The following MRPL46 variants were observed in gnomAD, a reference collection of about 807,000 sequenced individuals.
MRPL46 encodes mitochondrial ribosomal protein L46.
Under a neutral mutation model 31.0 loss-of-function variants are expected in MRPL46, and 26 were observed. The ratio of observed to expected loss-of-function variants is 0.84; its 90% CI spans 0.61 to 1.16. The LOEUF (loss-of-function observed/expected upper bound fraction) is 1.16. Ranked by LOEUF, MRPL46 falls within the 50% of genes most tolerant of loss-of-function variation. The pLI is 0.00. For missense variants in MRPL46, 395 were observed against 340.0 expected (o/e 1.16, Z -1.27); for synonymous variants, 159 against 141.3 (o/e 1.13, Z -0.89).
chr15:88,465,028 C>A (rs909123904), intron 2 of MRPL46, 152 bp from the exon 3 acceptor site: 10 of 725,848 alleles, frequency 1.4e-5, no homozygotes, highest in Non-Finnish European at 1.9e-5. Context: ...CTAACTCTGA[C>A]CTCTTCCAGG....
At position 88,459,788 on chromosome 15, in the gene MRPL46, C is replaced by T. The variant is rs572609825; in HGVS notation, c.665G>A (p.Arg222Gln). The T allele has an allele frequency of 2.4e-5, 38 of 1,614,220 alleles. 1 individual carries two copies. In the Admixed American group the frequency reaches 3.8e-4, roughly 16 times the overall value. The change falls in exon 4 of 4, where the codon CGG becomes CAG. Residue 222 changes from arginine (R) to glutamine (Q), a missense_variant. By Grantham distance (43) the Arg-to-Gln change is conservative. Coordinates refer to ENST00000312475, the MANE Select transcript of MRPL46 (RefSeq NM_022163.4). The stretch of plus-strand genomic sequence containing the variant: ...CTTGGCTCCGAGGTTACTCTCTGTC[C>T]GCATTGCCTGGGGGAACTTGAATGT... ...HYTFKFPQAM[R>Q]TESNLGAKVF...
intron 3 of MRPL46, chr15:88,461,840 C>T (rs2055480121): frequency 6.6e-6 from 1 of 152,058 alleles, no homozygotes; most frequent in Non-Finnish European, 1.5e-5. Flanking sequence ...AACTGCAGTA[C>T]ATACATATTA....
In MRPL46 at chr15:88,463,919, G is replaced by A. The variant is rs1376127769; in HGVS notation, c.589+784C>T. 2.0e-5 allele frequency: 3 copies of A among 152,198 alleles called. No individual in the cohort carries two copies. Among genetic ancestry groups the A allele is most frequent in the Non-Finnish European group, 4.4e-5 (3 of 68,052 alleles). 9.4% of individuals were successfully genotyped at this position (152,198 alleles called of 1,614,324 possible). ...GAATTCCATGCAGAGAAGTGACAAG[G>A]GATGTGTGTTTCAGAAAGCTCATTT... On this transcript the variant is annotated intron_variant, in intron 3 of 3. Transcript: ENST00000312475. The surrounding 1 kb of genome is among the most constrained non-coding windows in gnomAD (Gnocchi z 5.4).
In MRPL46 at chr15:88,462,132, A is replaced by G. The variant is rs531554828; in HGVS notation, c.590-2269T>C. On this transcript the variant is annotated intron_variant, in intron 3 of 3. Transcript: ENST00000312475. ...GAGACACCGATAATTTTTTTACCACATACGTGAATGGCTTTTCTCATACTA... is the reference window on the plus strand; with the variant it reads ...GAGACACCGATAATTTTTTTACCACGTACGTGAATGGCTTTTCTCATACTA... The G allele has an allele frequency of 3.2e-3, 490 of 152,102 alleles. 5 individuals are homozygous for G. The highest frequency in any genetic ancestry group is 0.011 in the African/African-American group (473 of 41,472). 9.4% of individuals were successfully genotyped at this position (152,102 alleles called of 1,614,324 possible). A position where few individuals can be genotyped will look rare whatever the true frequency, so the allele number is the denominator to read the frequency against.
chr15:88,465,545 C>T (rs540195503), intron 2 of MRPL46, 42 bp downstream of exon 2: 6 of 1,499,658 alleles, frequency 4.0e-6, no homozygotes, highest in Admixed American at 4.8e-5. Context: ...AATCCAAATA[C>T]CCCTTTTCCC....
chr15:88,466,971 A>G (rs1279378609), intron 1 of MRPL46, among the ~76,000 whole-genome samples, 179 bp downstream of exon 1: 1 of 152,222 alleles, frequency 6.6e-6, no homozygotes, highest in Non-Finnish European at 1.5e-5. Context: ...TAAGGTGACA[A>G]TAAACACGGC....
At chr15:88,462,695 C>G (rs1405878697) in intron 3 of MRPL46, 1 of 152,194 alleles carries the variant, frequency 6.6e-6, no homozygotes, top group Non-Finnish European at 1.5e-5. Flanking sequence ...TTAATTCTAC[C>G]GCTAGAAATT....
At chr15:88,462,194 T>G (rs914457397) in intron 3 of MRPL46, 1 of 151,870 alleles carries the variant, frequency 6.6e-6, no homozygotes, top group Non-Finnish European at 1.5e-5. Context: ...GATGAAAAAT[T>G]TATAGATAGT....
chr15:88,459,996 T>G lies in MRPL46; in HGVS notation c.590-133A>C, dbSNP rs910466533. ...TAAAATCAATCCCTAGGAATAGGAC[T>G]AGAGCCATTCCTGAAAAGAGGCTCC... On this transcript the variant is annotated intron_variant, in intron 3 of 3. Transcript: ENST00000312475. 4 of 1,134,958 alleles carry G rather than the reference T, an allele frequency of 3.5e-6. No individual in the cohort carries two copies. In the African/African-American group the frequency reaches 6.3e-5, roughly 18 times the overall value. The allele number at this position is 1,134,958 out of a possible 1,614,324, so 70.3% of individuals were successfully genotyped here.
At position 88,467,341 on chromosome 15, in the gene MRPL46, C is replaced by G. The variant is rs747593790; in HGVS notation, c.37G>C (p.Ala13Pro). ...APVRRTLLGV[A>P]GGWRRFERLW... ...CTCTCGAACCGCCGCCAACCCCCCG[C>G]CACCCCTAACAGCGTCCGCCTTACG... Residue 13 changes from alanine to proline, a missense_variant, in exon 1 of 4, where the codon GCG (alanine) becomes CCG (proline). Physicochemically the swap from Ala to Pro is conservative, Grantham distance 27. Transcript: ENST00000312475. The G allele has an allele frequency of 3.1e-6, 5 of 1,600,284 alleles. No homozygotes were observed. The Admixed American group carries it at 8.5e-5, about 27-fold the overall frequency.
In MRPL46 at chr15:88,459,607, G is replaced by A. The variant is rs765010728; in HGVS notation, c.*6C>T. On this transcript the variant is annotated 3_prime_UTR_variant, in exon 4 of 4. Transcript: ENST00000312475. The stretch of plus-strand genomic sequence containing the variant: ...TCTGAGCACCGTCCACAGGCAGCTC[G>A]GCCCATCAGAGGTCTGAAACAAACC... 26 of 1,613,516 alleles carry A rather than the reference G, an allele frequency of 1.6e-5. No individual in the cohort carries two copies. The highest frequency in any genetic ancestry group is 3.3e-5 in the South Asian group (3 of 91,042).
At chr15:88,460,071 G>C (rs2055463526) in intron 3 of MRPL46, 1 of 600,198 alleles carries the variant, frequency 1.7e-6, no homozygotes, top group Non-Finnish European at 2.9e-6. Context: ...AGATTCACCA[G>C]GCTCACTCCC....
Position 88,459,561 on chromosome 15 carries a change from G to T in MRPL46, c.*52C>A. On this transcript the variant is annotated 3_prime_UTR_variant, in exon 4 of 4. Transcript: ENST00000312475. Reference sequence around the variant, plus strand: ...TGTGAGGCAATCACACAATGTCCTTGAGGCTCTAATCCCAGACTTGTCTGA... The same window carrying T: ...TGTGAGGCAATCACACAATGTCCTTTAGGCTCTAATCCCAGACTTGTCTGA... The T allele has an allele frequency of 6.2e-7, 1 of 1,607,956 alleles. No homozygotes were observed. Among genetic ancestry groups the T allele is most frequent in the South Asian group, 1.1e-5 (1 of 90,334 alleles).
At position 88,467,168 on chromosome 15, in the gene MRPL46, C is replaced by G; in HGVS notation, c.210G>C (p.Met70Ile). ...SKPLTPLQEE[M>I]ASLLQQIEIE... The stretch of plus-strand genomic sequence containing the variant: ...GTCCCACCTGCTGCAGTAGAGACGC[C>G]ATCTCTTCCTGCAATGGGGTCAACG... Residue 70 changes from methionine to isoleucine, a missense_variant, in exon 1 of 4, where the codon ATG becomes ATC. Coordinates refer to ENST00000312475, the MANE Select transcript of MRPL46 (RefSeq NM_022163.4). The G allele has an allele frequency of 3.1e-6, 5 of 1,614,030 alleles. No individual in the cohort carries two copies. Among genetic ancestry groups the G allele is most frequent in the Non-Finnish European group, 4.2e-6 (5 of 1,179,914 alleles).
intron 2 of MRPL46, 114 bp from the exon 3 acceptor site, chr15:88,464,990 G>C: frequency 4.1e-6 from 5 of 1,233,082 alleles, no homozygotes; most frequent in Non-Finnish European, 5.6e-6. Context: ...AAAGAGCTTA[G>C]AACCAAATTA....
intron 1 of MRPL46, 111 bp downstream of exon 1, chr15:88,467,039 T>G: frequency 8.2e-7 from 1 of 1,221,300 alleles, no homozygotes; most frequent in South Asian, 1.4e-5. Context: ...GTCAGTAAGG[T>G]AGGTACCATT....
rs1176480845 is a variant in MRPL46, at chr15:88,459,757, G to C, written c.696C>G (p.Phe232Leu). ...CAGTTAATAGCAGTGCTTTGAAGAA[G>C]AACACCTTGGCTCCGAGGTTACTCT... is the stretch of plus-strand genomic sequence containing the variant. ...RTESNLGAKVFFFKALLLTGD... is the reference protein window; with the variant it reads ...RTESNLGAKVLFFKALLLTGD... Residue 232 changes from phenylalanine to leucine, a missense_variant, in exon 4 of 4, where the codon TTC (phenylalanine) becomes TTG (leucine). Coordinates refer to ENST00000312475, the MANE Select transcript of MRPL46 (RefSeq NM_022163.4). 1.2e-6 allele frequency: 2 copies of C among 1,614,192 alleles called. No individual in the cohort carries two copies. The highest frequency in any genetic ancestry group is 1.3e-5 in the African/African-American group (1 of 75,044).
Position 88,459,715 on chromosome 15 carries a change from A to T in MRPL46, c.738T>A (p.Ala246=). 1 of 1,614,176 alleles carries T rather than the reference A, an allele frequency of 6.2e-7. No homozygotes were observed. The highest frequency in any genetic ancestry group is 8.5e-7 in the Non-Finnish European group (1 of 1,180,032). The part of the protein sequence containing the change: ...ALLLTGDFSQ[A]GNKGHHVWVT... ...CCCACACATGATGGCCCTTATTCCC[A>T]GCCTGGGAAAAGTCTCCAGTTAATA... Residue 246 remains alanine (A), a synonymous_variant, in exon 4 of 4, where the codon GCT becomes GCA. Transcript: ENST00000312475.
chr15:88,465,206 CT>C (rs961956876), intron 2 of MRPL46: 2 of 410,742 alleles, frequency 4.9e-6, no homozygotes, highest in African/African-American at 4.1e-5. Flanking sequence ...CTAGCCCCTA[CT>C]TTCTCTGTTC....
Sources: gnomAD v4.1 joint callset for allele counts (sites outside exome capture counted in the v4.1 genomes callset) on GRCh38, gnomAD v4.1.1 for gene constraint, Gnocchi (gnomAD v3.1) non-coding constraint, MANE v1.5 for transcripts, NCBI Gene and HGNC (gene_info 2026-07-23, HGNC 2026-07-21) for gene names.